Variants in ADAMTSL1 observed in about 807,000 individuals in gnomAD.
ADAMTSL1 encodes ADAMTS like 1.
A neutral mutation model predicts 201.8 loss-of-function variants in ADAMTSL1; 126 were observed. The observed-to-expected ratio is 0.62, with a 90% CI of 0.54 to 0.72. The LOEUF (loss-of-function observed/expected upper bound fraction) is 0.72, where lower values mean the gene tolerates loss of function less well. Among genes scored for constraint, ADAMTSL1 ranks in the 30% least tolerant of loss-of-function variants. The pLI is 0.00. For synonymous variants in ADAMTSL1, 1,121 were observed against 903.4 expected (o/e 1.24, Z -4.32); for missense variants, 2,679 against 2,277.8 (o/e 1.18, Z -3.59).
chr9:18,745,658 A>C (rs191736149), intron 15 of ADAMTSL1, among the ~76,000 whole-genome samples: 95 of 152,318 alleles, frequency 6.2e-4, no homozygotes, highest in Non-Finnish European at 1.1e-3. Flanking sequence ...CTGTACACAT[A>C]TATGTATAGT....
At chr9:18,199,313 C>G (rs953590476) in intron 2 of ADAMTSL1, among the ~76,000 whole-genome samples, 1 of 151,836 alleles carries the variant, frequency 6.6e-6, no homozygotes, top group Non-Finnish European at 1.5e-5. Flanking sequence ...GTCTCACTTT[C>G]CCTAGGAATT....
chr9:18,762,696 C>T (rs1820144034), intron 16 of ADAMTSL1, among the ~76,000 whole-genome samples: 1 of 151,894 alleles, frequency 6.6e-6, no homozygotes, highest in Non-Finnish European at 1.5e-5. Flanking sequence ...CTCTCTATGT[C>T]CATGAGTTCA....
At chr9:18,590,766 G>A (rs1023936332) in intron 4 of ADAMTSL1, among the ~76,000 whole-genome samples, 1 of 151,772 alleles carries the variant, frequency 6.6e-6, no homozygotes. Context: ...TTTATGTATT[G>A]ACTCAGTAAG....
intron 2 of ADAMTSL1, among the ~76,000 whole-genome samples, chr9:18,391,824 C>CT (rs11407945): frequency 0.68 from 79,358 of 116,718 alleles, 29,401 homozygotes; most frequent in East Asian, 0.89. Context: ...TCTTTTCTTT[C>CT]TTTTTTTTTT....
intron 1 of ADAMTSL1, among the ~76,000 whole-genome samples, chr9:18,139,545 C>A (rs1274353352): frequency 6.6e-6 from 1 of 152,086 alleles, no homozygotes; most frequent in South Asian, 2.1e-4. Flanking sequence ...AGTTTTAATA[C>A]CTCTAGATGG....
chr9:18,773,264 C>T (rs975255502), intron 17 of ADAMTSL1, among the ~76,000 whole-genome samples: 1 of 152,180 alleles, frequency 6.6e-6, no homozygotes, highest in Admixed American at 6.5e-5. Context: ...AAATTACTTA[C>T]AGATTCTATT....
At chr9:18,861,601 T>A (rs1441200969) in intron 23 of ADAMTSL1, among the ~76,000 whole-genome samples, 1 of 152,202 alleles carries the variant, frequency 6.6e-6, no homozygotes, top group African/African-American at 2.4e-5. Context: ...ATAGCAGGCA[T>A]TTGGACAACT....
At chr9:18,908,152 G>T in intron 28 of ADAMTSL1, 3 of 430,324 alleles carry the variant, frequency 7.0e-6, no homozygotes, top group Admixed American at 7.4e-5. Flanking sequence ...GAGAAAACAG[G>T]CACCTTCAGG....
intron 1 of ADAMTSL1, among the ~76,000 whole-genome samples, chr9:18,492,097 T>C (rs1380250281): frequency 6.6e-6 from 1 of 152,150 alleles, no homozygotes; most frequent in African/African-American, 2.4e-5. Context: ...ACTTAATATG[T>C]AGGAAAGCAT....
intron 4 of ADAMTSL1, among the ~76,000 whole-genome samples, chr9:18,598,805 A>G (rs1467515531): frequency 6.6e-6 from 1 of 152,132 alleles, no homozygotes; most frequent in African/African-American, 2.4e-5. Flanking sequence ...GCACTTGAGT[A>G]CCAGTTTAGT....
intron 7 of ADAMTSL1, among the ~76,000 whole-genome samples, chr9:18,651,884 A>C (rs1414906908): frequency 6.8e-6 from 1 of 147,368 alleles, no homozygotes; most frequent in African/African-American, 2.4e-5. Flanking sequence ...TGTCCAAAAT[A>C]ATGGGAATTT....
chr9:18,706,358 G>T (rs10738515), intron 13 of ADAMTSL1, among the ~76,000 whole-genome samples: 1 of 151,952 alleles, frequency 6.6e-6, no homozygotes, highest in Non-Finnish European at 1.5e-5. Context: ...GGATCTGGCC[G>T]GCTTCTTTCC....
In ADAMTSL1 at chr9:18,706,969, T is replaced by A; in HGVS notation, c.1797T>A (p.Phe599Leu). 6.2e-7 allele frequency: 1 copy of A among 1,613,908 alleles called. No homozygotes were observed. Among genetic ancestry groups the A allele is most frequent in the South Asian group, 1.1e-5 (1 of 91,074 alleles). Residue 599 changes from phenylalanine to leucine, a missense_variant, in exon 14 of 29, where the codon TTT (phenylalanine) becomes TTA (leucine). Physicochemically the swap from Phe to Leu is conservative, Grantham distance 22. Transcript: ENST00000380548. ...EFNPDETDGLFGGLQDFDELY... is the reference protein window; with the variant it reads ...EFNPDETDGLLGGLQDFDELY... ...ACCCAGACGAGACAGATGGGCTCTT[T>A]GGTGGCCTGCAGGATTTCGACGAGC...
chr9:18,396,569 A>T (rs1817761727), intron 2 of ADAMTSL1, among the ~76,000 whole-genome samples: 1 of 148,192 alleles, frequency 6.7e-6, no homozygotes, highest in African/African-American at 2.4e-5. Flanking sequence ...TATTAATTAA[A>T]TTTTACATTA....
At chr9:17,975,452 G>T (rs1283453977) in intron 1 of ADAMTSL1, among the ~76,000 whole-genome samples, 1 of 151,974 alleles carries the variant, frequency 6.6e-6, no homozygotes, top group South Asian at 2.1e-4. Context: ...TCGCGTAGTA[G>T]CAAGGTAAAG....
chr9:18,341,557 G>A (rs1174134637), intron 2 of ADAMTSL1, among the ~76,000 whole-genome samples: 2 of 152,036 alleles, frequency 1.3e-5, no homozygotes, highest in East Asian at 3.9e-4. Context: ...CTTCCTATAT[G>A]ATGGCACTTA....
chr9:18,410,827 G>A (rs1226519748), intron 2 of ADAMTSL1, among the ~76,000 whole-genome samples: 4 of 148,758 alleles, frequency 2.7e-5, no homozygotes, highest in African/African-American at 9.9e-5. Context: ...TCGACTGGTA[G>A]ATTTTCTGTC....
intron 2 of ADAMTSL1, among the ~76,000 whole-genome samples, chr9:18,332,677 T>C (rs1586909656): frequency 2.0e-5 from 3 of 152,288 alleles, no homozygotes; most frequent in Admixed American, 2.0e-4. Context: ...ATCAATAGAA[T>C]TTGTTGATAA....
At chr9:18,023,038 T>C (rs1019669564) in intron 1 of ADAMTSL1, among the ~76,000 whole-genome samples, 1 of 152,130 alleles carries the variant, frequency 6.6e-6, no homozygotes, top group Non-Finnish European at 1.5e-5. Context: ...GTTTGAGACT[T>C]ATCCAATGGA....
Sources: gnomAD v4.1 joint callset for allele counts (sites outside exome capture counted in the v4.1 genomes callset) on GRCh38, gnomAD v4.1.1 for gene constraint, MANE v1.5 for transcripts, NCBI Gene and HGNC (gene_info 2026-07-23, HGNC 2026-07-21) for gene names.